The following PRRC2C variants were observed in gnomAD, a reference collection of about 807,000 sequenced individuals.
PRRC2C encodes the protein proline rich coiled-coil 2C.
PRRC2C carries 72 observed loss-of-function variants against 317.2 expected under a neutral mutation model. The ratio of observed to expected loss-of-function variants is 0.23; its 90% confidence interval spans 0.19 to 0.28. The LOEUF is 0.28. PRRC2C is among the 10% of genes least tolerant of loss of function. PRRC2C has a pLI of 1.00. For synonymous variants in PRRC2C, 1,296 were observed against 1,205.9 expected, an observed-to-expected ratio of 1.07 and a Z score of -1.55; for missense variants, 3,074 against 3,459.7, an observed-to-expected ratio of 0.89 and a Z score of 2.80.
At chr1:171,591,543 G>A in intron 34 of PRRC2C, 44 bp from the exon 35 acceptor site, 1 of 1,592,988 alleles carries the variant, frequency 6.3e-7, no homozygotes, top group Non-Finnish European at 8.6e-7. Context: ...GACAGGCTTT[G>A]GTAATGCTGC....
chr1:171,555,301 T>G (rs1681165436), intron 18 of PRRC2C, among the ~76,000 whole-genome samples: 1 of 152,358 alleles, frequency 6.6e-6, no homozygotes, highest in Non-Finnish European at 1.5e-5. Context: ...GTGCCATGGT[T>G]TTCAGCTCCA....
chr1:171,514,861 A>G (rs946417952), intron 4 of PRRC2C, among the ~76,000 whole-genome samples: 8 of 152,228 alleles, frequency 5.3e-5, no homozygotes, highest in Admixed American at 3.3e-4. Context: ...TAAGGAAAGG[A>G]GTCTTTAAGA....
rs569886045 is a variant in PRRC2C, at chr1:171,535,440, T to G, written c.1886T>G (p.Val629Gly). 4.3e-6 allele frequency: 7 copies of G among 1,612,810 alleles called. No individual in the cohort carries two copies. In the Admixed American group the frequency reaches 8.4e-5, roughly 19 times the overall value. Residue 629 changes from valine to glycine, a missense_variant, in exon 13 of 35, where the codon GTT becomes GGT. Val to Gly is a moderately radical substitution (Grantham distance 109). Around this residue, in one of 11 missense-constraint regions of PRRC2C, gnomAD observed 1,320 missense variants for 1,395.7 expected, o/e 0.95. Transcript: ENST00000647382. ...TTTCTTTGAGCAGAGGAGGAACCCG[T>G]TTTCACTAGACAAGACAGCAATCGC... is the stretch of plus-strand genomic sequence containing the variant. ...ENSCNKEEEP[V>G]FTRQDSNRSE...
Position 171,571,435 on chromosome 1 carries a change from C to A in PRRC2C, c.6753+14C>A. 6.5e-7 allele frequency: 1 copy of A among 1,547,596 alleles called. No individual in the cohort carries two copies. The highest frequency in any genetic ancestry group is 8.9e-7 in the Non-Finnish European group (1 of 1,119,880). Reference sequence around the variant, plus strand: ...CTCACCTTCAAGGTATGTACAACATCCATCTCTAAGAGTCCTTAATTGTTG... The same window carrying A: ...CTCACCTTCAAGGTATGTACAACATACATCTCTAAGAGTCCTTAATTGTTG... On this transcript the variant is annotated intron_variant, in intron 24 of 34. Coordinates refer to ENST00000647382, the MANE Select transcript of PRRC2C (RefSeq NM_001387844.1).
In PRRC2C at chr1:171,592,362, A is replaced by G. The variant is rs1651605010; in HGVS notation, c.*515A>G. On this transcript the variant is annotated 3_prime_UTR_variant, in exon 35 of 35. Transcript: ENST00000647382. ...GCTGGATAGAGGAGCCTTATTTTTT[A>G]TTATGGCAGCTTGCTATTTTTATAA... 1 of 152,556 alleles carries G rather than the reference A, an allele frequency of 6.6e-6. No individual in the cohort carries two copies. Among genetic ancestry groups the G allele is most frequent in the African/African-American group, 2.4e-5 (1 of 41,442 alleles). The allele number at this position is 152,556 out of a possible 1,614,324, so 9.5% of individuals were successfully genotyped here. A position where few individuals can be genotyped will look rare whatever the true frequency, so the allele number is the denominator to read the frequency against.
intron 15 of PRRC2C, 52 bp from the exon 16 acceptor site, chr1:171,539,919 G>A (rs2015996): frequency 0.82 from 1,179,047 of 1,432,300 alleles, 486,047 homozygotes; most frequent in East Asian, 0.89. Context: ...ATATACTTAC[G>A]CATGGGAAAG....
intron 3 of PRRC2C, 73 bp from the exon 4 acceptor site, chr1:171,514,463 T>C: frequency 1.6e-6 from 2 of 1,214,718 alleles, no homozygotes; most frequent in Non-Finnish European, 2.3e-6. Flanking sequence ...GTACACAGGT[T>C]TACCTTAAAT....
At chr1:171,506,514 T>C (rs2102193673) in intron 1 of PRRC2C, among the ~76,000 whole-genome samples, 1 of 152,184 alleles carries the variant, frequency 6.6e-6, no homozygotes, top group South Asian at 2.1e-4. Flanking sequence ...TGGCCATTGT[T>C]TTTTCACTTT....
At chr1:171,498,549 C>G (rs1425779017) in intron 1 of PRRC2C, among the ~76,000 whole-genome samples, 1 of 152,188 alleles carries the variant, frequency 6.6e-6, no homozygotes, top group Non-Finnish European at 1.5e-5. Flanking sequence ...CATAGGCATT[C>G]AAACCATTTT....
At chr1:171,563,462 T>G (rs1683071288) in intron 20 of PRRC2C, among the ~76,000 whole-genome samples, 2 of 152,176 alleles carry the variant, frequency 1.3e-5, no homozygotes, top group Non-Finnish European at 2.9e-5. Context: ...CCATCCATAC[T>G]GGGTTGAATC....
chr1:171,577,681 A>G (rs1353112830), intron 26 of PRRC2C, 44 bp downstream of exon 26: 4 of 1,546,036 alleles, frequency 2.6e-6, no homozygotes, highest in Admixed American at 1.7e-5. Context: ...GAAAATGAAG[A>G]CTTACTAAAA....
chr1:171,583,596 A>C (rs1289306785), intron 28 of PRRC2C, among the ~76,000 whole-genome samples: 1 of 152,254 alleles, frequency 6.6e-6, no homozygotes, highest in Non-Finnish European at 1.5e-5. Flanking sequence ...GTAAATACAT[A>C]AACTAGTAAC....
intron 1 of PRRC2C, among the ~76,000 whole-genome samples, chr1:171,500,631 A>G (rs1000899891): frequency 1.5e-4 from 23 of 152,202 alleles, no homozygotes; most frequent in South Asian, 4.1e-4. Context: ...GTTTCAATCT[A>G]GGATAGCTAT....
chr1:171,504,936 C>T (rs1669893330), intron 1 of PRRC2C, among the ~76,000 whole-genome samples: 1 of 151,820 alleles, frequency 6.6e-6, no homozygotes, highest in African/African-American at 2.4e-5. Flanking sequence ...GTTCTTATGC[C>T]ATGTTTGTGT....
intron 18 of PRRC2C, among the ~76,000 whole-genome samples, chr1:171,553,838 T>C (rs938624596): frequency 6.6e-6 from 1 of 152,208 alleles, no homozygotes; most frequent in Admixed American, 6.5e-5. Flanking sequence ...AGAGACAGTT[T>C]GTTGTGATTT....
chr1:171,513,682 G>A (rs964096901), intron 3 of PRRC2C, among the ~76,000 whole-genome samples: 6 of 152,062 alleles, frequency 3.9e-5, no homozygotes, highest in Non-Finnish European at 8.8e-5. Flanking sequence ...TGTATGTCAA[G>A]GATTTTGCCA....
At chr1:171,505,868 A>T (rs1670078868) in intron 1 of PRRC2C, among the ~76,000 whole-genome samples, 1 of 152,192 alleles carries the variant, frequency 6.6e-6, no homozygotes, top group Non-Finnish European at 1.5e-5. Context: ...TTATAATACC[A>T]TATTTTTACT....
intron 29 of PRRC2C, 22 bp from the exon 30 acceptor site, chr1:171,584,397 T>G: frequency 6.5e-7 from 1 of 1,532,524 alleles, no homozygotes; most frequent in South Asian, 1.3e-5. Flanking sequence ...TTACTCATGT[T>G]TTCTTAAAAA....
rs13722 is a variant in PRRC2C, at chr1:171,592,168, A to T, written c.*321A>T. On this transcript the variant is annotated 3_prime_UTR_variant, in exon 35 of 35. Transcript: ENST00000647382. ...TAGACCTAAAAATCCTTATGATTAGATGAAACACCAAAAATATAAGGAAAA... is the reference window on the plus strand; with the variant it reads ...TAGACCTAAAAATCCTTATGATTAGTTGAAACACCAAAAATATAAGGAAAA... 5 of 225,204 alleles carry T rather than the reference A, an allele frequency of 2.2e-5. No homozygotes were observed. Among genetic ancestry groups the T allele is most frequent in the Non-Finnish European group, 4.3e-5 (5 of 115,440 alleles). The allele number at this position is 225,204 out of a possible 1,614,324, so 14.0% of individuals were successfully genotyped here.
Sources: gnomAD v4.1 joint callset for allele counts (sites outside exome capture counted in the v4.1 genomes callset) on GRCh38, gnomAD v4.1.1 for gene constraint, gnomAD v4.1.1 regional missense constraint, MANE v1.5 for transcripts, NCBI Gene and HGNC (gene_info 2026-07-23, HGNC 2026-07-21) for gene names.